The following NREP variants were observed in gnomAD, a reference collection of about 807,000 sequenced individuals.
NREP encodes the protein neuronal regeneration-related protein.
In NREP, 5 loss-of-function variants were observed where a neutral mutation model predicts 8.6. That is an observed-to-expected ratio of 0.58 (90% CI 0.30 to 1.22). NREP has a LOEUF of 1.22. Ranked by LOEUF, NREP falls within the 50% of genes most tolerant of loss-of-function variation. The probability of loss-of-function intolerance (pLI) is 0.07; values close to 1 mark genes in which losing one functional copy is unlikely to be tolerated. For missense variants in NREP, 86 were observed against 82.5 expected (o/e 1.04, Z -0.17); for synonymous variants, 27 against 28.0 (o/e 0.96, Z 0.11).
At chr5:111,875,451 A>G (rs1753881674) in intron 2 of NREP, among the ~76,000 whole-genome samples, 1 of 152,208 alleles carries the variant, frequency 6.6e-6, no homozygotes, top group African/African-American at 2.4e-5. Flanking sequence ...TGGATAACAT[A>G]GAAATCTTAT....
intron 2 of NREP, among the ~76,000 whole-genome samples, chr5:111,862,476 A>T (rs1376798503): frequency 6.6e-6 from 1 of 152,068 alleles, no homozygotes. Flanking sequence ...CAGGACACAG[A>T]GCTCTTTCCC....
intron 2 of NREP, among the ~76,000 whole-genome samples, chr5:111,881,297 C>T (rs1390105136): frequency 2.0e-5 from 3 of 152,192 alleles, no homozygotes; most frequent in African/African-American, 7.2e-5. Flanking sequence ...ATTGCCCAGG[C>T]TTGCTTAGGT....
intron 2 of NREP, among the ~76,000 whole-genome samples, chr5:111,856,768 T>A (rs1319769492): frequency 6.6e-6 from 1 of 152,156 alleles, no homozygotes; most frequent in Non-Finnish European, 1.5e-5. Flanking sequence ...CCGACTGGTT[T>A]GATGACTTGC....
At chr5:111,791,841 A>T (rs1751754677) in intron 2 of NREP, among the ~76,000 whole-genome samples, 1 of 152,220 alleles carries the variant, frequency 6.6e-6, no homozygotes, top group African/African-American at 2.4e-5. Flanking sequence ...TTAATCATTT[A>T]AAAAACTGTC....
At chr5:111,905,602 C>G (rs1380246780) in intron 2 of NREP, among the ~76,000 whole-genome samples, 4 of 152,080 alleles carry the variant, frequency 2.6e-5, no homozygotes, top group Non-Finnish European at 5.9e-5. Context: ...TGCATGTAGA[C>G]AGCAGCATTT....
At chr5:111,850,234 A>G (rs1435038517) in intron 2 of NREP, among the ~76,000 whole-genome samples, 1 of 151,854 alleles carries the variant, frequency 6.6e-6, no homozygotes, top group Non-Finnish European at 1.5e-5. Flanking sequence ...GCTACTCTCT[A>G]TTTAGTAGTT....
intron 2 of NREP, among the ~76,000 whole-genome samples, chr5:111,864,156 T>C (rs1006078370): frequency 1.3e-5 from 2 of 152,178 alleles, no homozygotes. Context: ...TCAATCCTAC[T>C]CACTGCACCA....
upstream of NREP, among the ~76,000 whole-genome samples, chr5:111,759,104 G>T (rs1017069975): frequency 1.3e-5 from 2 of 152,200 alleles, no homozygotes; most frequent in Non-Finnish European, 2.9e-5. Context: ...AAGGTGTAAG[G>T]CATAGGCTGG....
At chr5:111,757,614 C>A (rs3733994), upstream of NREP, 220 of 983,348 alleles carry the variant, frequency 2.2e-4, 1 homozygote, top group East Asian at 0.02. Flanking sequence ...AACAGGCGCG[C>A]GCGCCCCGAC....
At chr5:111,924,339 A>G (rs1178850087) in intron 2 of NREP, among the ~76,000 whole-genome samples, 1 of 152,146 alleles carries the variant, frequency 6.6e-6, no homozygotes, top group Non-Finnish European at 1.5e-5. Flanking sequence ...GTGTTTGTCC[A>G]TACAAGTGAG....
intron 2 of NREP, among the ~76,000 whole-genome samples, chr5:111,891,430 T>A (rs529111854): frequency 1.3e-5 from 2 of 152,294 alleles, no homozygotes; most frequent in African/African-American, 4.8e-5. Context: ...TTCTTCTGAG[T>A]CTTGAAAACT....
At position 111,906,965 on chromosome 5, in the gene NREP, C is replaced by T. The variant is rs373976216; in HGVS notation, c.135+68309G>A. On this transcript the variant is annotated intron_variant, in intron 2 of 3. Coordinates refer to the NREP transcript ENST00000395634. ...TTAATTTCTTATAGAGACAGAGTTTCGTGTTGTTGTCCAGACAGGGTCTCC... is the reference window on the plus strand; with the variant it reads ...TTAATTTCTTATAGAGACAGAGTTTTGTGTTGTTGTCCAGACAGGGTCTCC... 2.5e-3 allele frequency among the ~76,000 whole-genome samples: 378 copies of T among 152,038 alleles called. 3 individuals are homozygous for T. Among genetic ancestry groups the T allele is most frequent in the African/African-American group, 8.6e-3 (356 of 41,506 alleles).
At chr5:111,823,163 C>A in intron 2 of NREP, among the ~76,000 whole-genome samples, 1 of 152,130 alleles carries the variant, frequency 6.6e-6, no homozygotes, top group Non-Finnish European at 1.5e-5. Context: ...GGGTCAGGTT[C>A]TTTTCAATAC....
chr5:111,968,204 G>A (rs1278631845), intron 2 of NREP, among the ~76,000 whole-genome samples: 2 of 151,654 alleles, frequency 1.3e-5, no homozygotes, highest in Non-Finnish European at 2.9e-5. Context: ...TATCATTCAT[G>A]CCTTTTTAAA....
intron 2 of NREP, among the ~76,000 whole-genome samples, chr5:111,830,901 T>A (rs555035660): frequency 6.6e-6 from 1 of 152,344 alleles, no homozygotes; most frequent in African/African-American, 2.4e-5. Context: ...AATGTACTAT[T>A]ATTGTTACTT....
At chr5:111,929,356 G>A (rs917859718) in intron 2 of NREP, among the ~76,000 whole-genome samples, 1 of 151,944 alleles carries the variant, frequency 6.6e-6, no homozygotes, top group Admixed American at 6.6e-5. Context: ...TTTTAAAGAG[G>A]AGAGCCAATG....
At chr5:111,935,382 C>T (rs1281627790) in intron 2 of NREP, among the ~76,000 whole-genome samples, 1 of 152,056 alleles carries the variant, frequency 6.6e-6, no homozygotes, top group East Asian at 1.9e-4. Context: ...CACAAAGAAA[C>T]AGGAAATCTA....
intron 2 of NREP, among the ~76,000 whole-genome samples, chr5:111,892,076 T>C (rs925591979): frequency 2.0e-5 from 3 of 152,006 alleles, no homozygotes; most frequent in Non-Finnish European, 2.9e-5. Flanking sequence ...AAATATTTAG[T>C]GAGAAAAGTA....
At chr5:111,926,332 C>A (rs148974398) in intron 2 of NREP, among the ~76,000 whole-genome samples, 1 of 152,114 alleles carries the variant, frequency 6.6e-6, no homozygotes, top group East Asian at 1.9e-4. Context: ...TCAGGATTCC[C>A]CAGAAATTTG....
Sources: allele counts gnomAD v4.1 joint callset (sites outside exome capture counted in the v4.1 genomes callset), GRCh38; gene constraint gnomAD v4.1.1; transcripts MANE v1.5; gene names NCBI Gene and HGNC (gene_info 2026-07-23, HGNC 2026-07-21).